The following ZBTB16 variants were observed in gnomAD, a reference collection of about 807,000 sequenced individuals.
ZBTB16 encodes the protein zinc finger and BTB domain-containing protein 16.
A neutral mutation model predicts 56.8 loss-of-function variants in ZBTB16; 8 were observed. The observed-to-expected ratio is 0.14, with a 90% confidence interval of 0.08 to 0.25. The LOEUF is 0.25. Ranked by LOEUF, ZBTB16 falls within the 10% of genes least tolerant of loss-of-function variation. ZBTB16 has a pLI of 1.00. For synonymous variants in ZBTB16, 363 were observed against 368.5 expected, an observed-to-expected ratio of 0.98 and a Z score of 0.17; for missense variants, 625 against 903.0, an observed-to-expected ratio of 0.69 and a Z score of 3.95.
intron 2 of ZBTB16, among the ~76,000 whole-genome samples, chr11:114,136,971 A>T (rs1037388252): frequency 2.0e-5 from 3 of 152,102 alleles, no homozygotes; most frequent in African/African-American, 7.2e-5. Context: ...CAGGTTCTAT[A>T]TAGCATTTCT....
At chr11:114,245,765 T>C (rs1271783407) in intron 5 of ZBTB16, among the ~76,000 whole-genome samples, 2 of 152,054 alleles carry the variant, frequency 1.3e-5, no homozygotes, top group Non-Finnish European at 2.9e-5. Context: ...ATGTATGAAA[T>C]GCAGAGGACA....
chr11:114,164,518 C>T (rs1942688393), intron 3 of ZBTB16, among the ~76,000 whole-genome samples: 1 of 152,224 alleles, frequency 6.6e-6, no homozygotes, highest in African/African-American at 2.4e-5. Context: ...TTGTTATTGT[C>T]TGAGGATGAA....
chr11:114,231,042 T>C (rs984597249), intron 4 of ZBTB16, among the ~76,000 whole-genome samples: 3 of 152,198 alleles, frequency 2.0e-5, no homozygotes, highest in Non-Finnish European at 4.4e-5. Context: ...GCAGTTTCTC[T>C]GCAGGGGCCT....
chr11:114,148,457 G>GTCTCTCTC (rs1282315613), intron 2 of ZBTB16, among the ~76,000 whole-genome samples: 3 of 59,824 alleles, frequency 5.0e-5, no homozygotes, highest in African/African-American at 1.7e-4. Flanking sequence ...CTGTCTGTCT[G>GTCTCTCTC]TCTCTCTCTC....
At chr11:114,215,034 A>G (rs1944069503) in intron 4 of ZBTB16, among the ~76,000 whole-genome samples, 1 of 151,912 alleles carries the variant, frequency 6.6e-6, no homozygotes, top group African/African-American at 2.4e-5. Context: ...CTTTAATATA[A>G]AGATTTCTGG....
At chr11:114,133,180 G>A (rs528721106) in intron 2 of ZBTB16, among the ~76,000 whole-genome samples, 5 of 151,956 alleles carry the variant, frequency 3.3e-5, no homozygotes, top group East Asian at 1.9e-4. Flanking sequence ...GTCCTGCCTC[G>A]CTGAGGTGTC....
intron 2 of ZBTB16, among the ~76,000 whole-genome samples, chr11:114,130,262 TCTG>T (rs1167352215): frequency 6.6e-6 from 1 of 152,192 alleles, no homozygotes; most frequent in East Asian, 1.9e-4. Context: ...AATGTATCCC[TCTG>T]GACTCCGCCA....
At chr11:114,227,927 G>T (rs149749950) in intron 4 of ZBTB16, among the ~76,000 whole-genome samples, 103 of 152,216 alleles carry the variant, frequency 6.8e-4, no homozygotes, top group African/African-American at 2.2e-3. Flanking sequence ...AAATACATTA[G>T]CATTGTCATG....
At position 114,060,758 on chromosome 11, in the gene ZBTB16, C is replaced by T. The variant is rs112736298; in HGVS notation, c.-91+876C>T. Reference sequence around the variant, plus strand: ...GAGCGCTCCGCACCGACTCGCTCGCCGCCTCCCCGAGACGCTCGCACCGTG... The same window carrying T: ...GAGCGCTCCGCACCGACTCGCTCGCTGCCTCCCCGAGACGCTCGCACCGTG... On this transcript the variant is annotated intron_variant, in intron 1 of 6. Transcript: ENST00000335953. This position sits in a 1 kb window ranked among gnomAD's most constrained non-coding sequence, Gnocchi z 6.0. Among the ~76,000 whole-genome samples the T allele has an allele frequency of 3.3e-5, 5 of 152,106 alleles. No homozygotes were observed. The highest frequency in any genetic ancestry group is 1.2e-4 in the African/African-American group (5 of 41,440).
chr11:114,160,716 A>G (rs572591651), intron 3 of ZBTB16, among the ~76,000 whole-genome samples: 2 of 152,198 alleles, frequency 1.3e-5, no homozygotes, highest in Admixed American at 1.3e-4. Flanking sequence ...TTCAATTCGA[A>G]TGTGTGAATT....
Position 114,253,803 on chromosome 11 carries a change from C to T in ZBTB16, c.*3248C>T, listed in dbSNP as rs1293293729. 6.6e-6 allele frequency among the ~76,000 whole-genome samples: 1 copy of T among 152,220 alleles called. No homozygotes were observed. Among genetic ancestry groups the T allele is most frequent in the East Asian group, 1.9e-4 (1 of 5,194 alleles). ...GCCAGGGGGCAAGCTAAGAGGCTGTCTGGAGGCTTTATATGTGTCTGGAGT... is the reference window on the plus strand; with the variant it reads ...GCCAGGGGGCAAGCTAAGAGGCTGTTTGGAGGCTTTATATGTGTCTGGAGT... On this transcript the variant is annotated 3_prime_UTR_variant, in exon 7 of 7. Transcript: ENST00000335953.
rs1555145934 is a variant in ZBTB16 at position 114,159,940 on chromosome 11, G to GT, written c.1366+3506_1366+3507insT. Among the ~76,000 whole-genome samples, 2 of 148,062 alleles carry GT rather than the reference G, an allele frequency of 1.4e-5. 1 individual carries two copies. The highest frequency in any genetic ancestry group is 3.0e-5 in the Non-Finnish European group (2 of 67,164). ...CCAGAACCCTGGGCGGGGGAGGCGG[G>GT]GGGGAGGCGAGCATTTTTTTTCAAA... On this transcript the variant is annotated intron_variant, in intron 3 of 6. Coordinates refer to ENST00000335953, the MANE Select transcript of ZBTB16 (RefSeq NM_006006.6).
intron 4 of ZBTB16, among the ~76,000 whole-genome samples, chr11:114,232,021 T>C (rs1316349651): frequency 6.6e-6 from 1 of 152,234 alleles, no homozygotes; most frequent in East Asian, 1.9e-4. Context: ...TCCTGTTCAG[T>C]TGGGAGTCTG....
intron 2 of ZBTB16, among the ~76,000 whole-genome samples, chr11:114,099,159 GA>G (rs1380504023): frequency 6.6e-6 from 1 of 152,144 alleles, no homozygotes; most frequent in Non-Finnish European, 1.5e-5. Flanking sequence ...CTGCATTTCA[GA>G]AGCTTGTATC....
chr11:114,199,184 C>A (rs565672038), intron 4 of ZBTB16, among the ~76,000 whole-genome samples: 3 of 150,714 alleles, frequency 2.0e-5, no homozygotes, highest in Admixed American at 2.0e-4. Context: ...ACGGGGATGC[C>A]GGACATGGAT....
intron 2 of ZBTB16, among the ~76,000 whole-genome samples, chr11:114,137,936 G>A (rs1041758805): frequency 6.6e-6 from 1 of 152,184 alleles, no homozygotes. Context: ...GCTGTGCATC[G>A]GTGAGAGGAC....
chr11:114,160,732 A>G (rs1591730775), intron 3 of ZBTB16, among the ~76,000 whole-genome samples: 1 of 152,308 alleles, frequency 6.6e-6, no homozygotes, highest in African/African-American at 2.4e-5. Context: ...GAATTAATCA[A>G]GTGTTTATGG....
At chr11:114,146,318 C>T (rs1053555240) in intron 2 of ZBTB16, among the ~76,000 whole-genome samples, 1 of 151,872 alleles carries the variant, frequency 6.6e-6, no homozygotes, top group Admixed American at 6.6e-5. Flanking sequence ...GTTTTCCTGC[C>T]CCTTTCAGGG....
intron 2 of ZBTB16, among the ~76,000 whole-genome samples, chr11:114,104,116 T>C (rs1940707547): frequency 6.6e-6 from 1 of 152,176 alleles, no homozygotes; most frequent in African/African-American, 2.4e-5. Flanking sequence ...AACACAAGGA[T>C]CTTTTCTACA....
Sources: gnomAD v4.1 joint callset for allele counts (sites outside exome capture counted in the v4.1 genomes callset) on GRCh38, gnomAD v4.1.1 for gene constraint, Gnocchi (gnomAD v3.1) non-coding constraint, MANE v1.5 for transcripts, NCBI Gene and HGNC (gene_info 2026-07-23, HGNC 2026-07-21) for gene names.